The following MARCHF1 variants were observed in gnomAD, a reference collection of about 807,000 sequenced individuals.
MARCHF1 encodes the protein membrane associated ring-CH-type finger 1.
In MARCHF1, 40 loss-of-function variants were observed where a neutral mutation model predicts 54.2. The observed-to-expected ratio is 0.74, with a 90% confidence interval of 0.57 to 0.96. MARCHF1 has a LOEUF of 0.96. MARCHF1 is among the 40% of genes least tolerant of loss of function. The probability of loss-of-function intolerance (pLI) is 0.00; values close to 1 mark genes in which losing one functional copy is unlikely to be tolerated. For missense variants in MARCHF1, 586 were observed against 656.5 expected (o/e 0.89, Z 1.17); for synonymous variants, 236 against 236.3 (o/e 1.00, Z 0.01).
intron 5 of MARCHF1, among the ~76,000 whole-genome samples, chr4:163,614,017 A>G (rs143506934): frequency 5.3e-5 from 8 of 152,146 alleles, no homozygotes; most frequent in Non-Finnish European, 1.2e-4. Flanking sequence ...TCAGATTATT[A>G]GCATAAAGTT....
chr4:163,973,926 T>C (rs28548788), intron 3 of MARCHF1, among the ~76,000 whole-genome samples: 27 of 152,342 alleles, frequency 1.8e-4, no homozygotes, highest in African/African-American at 6.5e-4. Context: ...CACCTCTGTA[T>C]AGCACAGTAG....
At chr4:164,243,138 A>C (rs1480039485) in intron 1 of MARCHF1, among the ~76,000 whole-genome samples, 22 of 126,302 alleles carry the variant, frequency 1.7e-4, no homozygotes, top group Non-Finnish European at 1.3e-4. Context: ...CGCCACAAAG[A>C]TACTCCTCGA....
intron 1 of MARCHF1, among the ~76,000 whole-genome samples, chr4:164,181,359 A>G (rs1349436764): frequency 6.6e-6 from 1 of 152,134 alleles, no homozygotes; most frequent in African/African-American, 2.4e-5. Flanking sequence ...AATCATATAT[A>G]TGTATACACA....
intron 1 of MARCHF1, among the ~76,000 whole-genome samples, chr4:164,331,786 T>C (rs1464061262): frequency 1.3e-5 from 2 of 152,210 alleles, no homozygotes; most frequent in Non-Finnish European, 2.9e-5. Flanking sequence ...CTTAAGAAGC[T>C]CATTTTCATC....
chr4:163,609,816 C>T (rs1037336109), intron 7 of MARCHF1, among the ~76,000 whole-genome samples: 1 of 151,840 alleles, frequency 6.6e-6, no homozygotes, highest in Non-Finnish European at 1.5e-5. Flanking sequence ...CCTTGACCTG[C>T]CTCAACTTTA....
At chr4:164,050,577 C>T (rs55949802) in intron 2 of MARCHF1, among the ~76,000 whole-genome samples, 18,269 of 152,098 alleles carry the variant, frequency 0.12, 1,276 homozygotes, top group South Asian at 0.22. Flanking sequence ...AAACATGCTT[C>T]GTAGACCAGC....
At chr4:163,952,556 A>G (rs1207570281) in intron 3 of MARCHF1, among the ~76,000 whole-genome samples, 1 of 152,194 alleles carries the variant, frequency 6.6e-6, no homozygotes, top group East Asian at 1.9e-4. Context: ...GAGGGTCTGC[A>G]TGAGGTGCTT....
chr4:164,379,659 T>G (rs1446913742), intron 1 of MARCHF1, among the ~76,000 whole-genome samples: 7 of 152,256 alleles, frequency 4.6e-5, no homozygotes, highest in African/African-American at 1.7e-4. Flanking sequence ...ACAATATGAC[T>G]GACAGGTTTG....
chr4:163,573,177 T>C (rs1488603416), intron 8 of MARCHF1, among the ~76,000 whole-genome samples: 1 of 152,060 alleles, frequency 6.6e-6, no homozygotes, highest in Non-Finnish European at 1.5e-5. Flanking sequence ...TTTACTGAAG[T>C]TGTTTATCAG....
At chr4:164,173,504 C>T (rs1054970378) in intron 1 of MARCHF1, among the ~76,000 whole-genome samples, 2 of 152,142 alleles carry the variant, frequency 1.3e-5, no homozygotes, top group African/African-American at 2.4e-5. Flanking sequence ...GTTTCCCCTC[C>T]AAATCCCATG....
chr4:164,257,962 T>C (rs1005837485), intron 1 of MARCHF1, among the ~76,000 whole-genome samples: 3 of 152,208 alleles, frequency 2.0e-5, no homozygotes, highest in Non-Finnish European at 4.4e-5. Flanking sequence ...CGTATGTTTA[T>C]TGCAGCACTG....
intron 3 of MARCHF1, among the ~76,000 whole-genome samples, chr4:163,913,476 C>G (rs1751239965): frequency 6.6e-6 from 1 of 152,086 alleles, no homozygotes; most frequent in Non-Finnish European, 1.5e-5. Flanking sequence ...AACTCTCTTC[C>G]TTTATCAAAG....
At chr4:164,277,408 C>A (rs1243846162) in intron 1 of MARCHF1, among the ~76,000 whole-genome samples, 7 of 152,232 alleles carry the variant, frequency 4.6e-5, no homozygotes, top group Non-Finnish European at 8.8e-5. Context: ...TAAGTTCCTG[C>A]AGAATGCAGA....
chr4:164,292,414 G>A lies in MARCHF1; in HGVS notation c.-323+91456C>T, dbSNP rs912359035. Reference sequence around the variant, plus strand: ...TTTCTTAAAAGAGAGTTCTACTATTGACTCCAAGCTTCTCATACCTATACT... The same window carrying A: ...TTTCTTAAAAGAGAGTTCTACTATTAACTCCAAGCTTCTCATACCTATACT... On this transcript the variant is annotated intron_variant, in intron 1 of 9. Coordinates refer to ENST00000514618, the MANE Select transcript of MARCHF1 (RefSeq NM_001394959.1). 3.3e-5 allele frequency among the ~76,000 whole-genome samples: 5 copies of A among 151,996 alleles called. No homozygotes were observed. In the East Asian group the frequency reaches 9.6e-4, roughly 29 times the overall value.
intron 5 of MARCHF1, among the ~76,000 whole-genome samples, chr4:163,699,340 C>A (rs1744733161): frequency 6.6e-6 from 1 of 152,174 alleles, no homozygotes; most frequent in African/African-American, 2.4e-5. Flanking sequence ...GGAGGAATGG[C>A]AGGCATGCTT....
At chr4:163,699,358 T>C (rs865910025) in intron 5 of MARCHF1, among the ~76,000 whole-genome samples, 1 of 152,336 alleles carries the variant, frequency 6.6e-6, no homozygotes, top group Middle Eastern at 3.4e-3. Context: ...CTTACTCTTA[T>C]TAAAATATTA....
chr4:163,603,160 A>T (rs1741027351), intron 7 of MARCHF1, among the ~76,000 whole-genome samples: 1 of 123,496 alleles, frequency 8.1e-6, no homozygotes, highest in Non-Finnish European at 1.9e-5. Context: ...GGTAAAGGGA[A>T]GTGTAATTTT....
At chr4:163,542,485 A>G (rs940943661) in intron 9 of MARCHF1, among the ~76,000 whole-genome samples, 3 of 152,244 alleles carry the variant, frequency 2.0e-5, no homozygotes, top group Non-Finnish European at 4.4e-5. Context: ...GCTGCATGAT[A>G]GAATCATCTA....
At chr4:164,015,525 A>G (rs1753521134) in intron 2 of MARCHF1, among the ~76,000 whole-genome samples, 2 of 152,236 alleles carry the variant, frequency 1.3e-5, no homozygotes, top group African/African-American at 4.8e-5. Flanking sequence ...GACAGCATAC[A>G]GAATGTGAGA....
Sources: gnomAD v4.1 joint callset for allele counts (sites outside exome capture counted in the v4.1 genomes callset) on GRCh38, gnomAD v4.1.1 for gene constraint, MANE v1.5 for transcripts, NCBI Gene and HGNC (gene_info 2026-07-23, HGNC 2026-07-21) for gene names.